The following ACSM6 variants were observed in gnomAD, a reference collection of about 807,000 sequenced individuals.
The protein encoded by ACSM6 is acyl-coenzyme A synthetase ACSM6, mitochondrial.
A neutral mutation model predicts 51.1 loss-of-function variants in ACSM6; 35 were observed. The ratio of observed to expected loss-of-function variants is 0.69; its 90% CI spans 0.52 to 0.91. The LOEUF is 0.91. Among genes scored for constraint, ACSM6 ranks in the 40% least tolerant of loss-of-function variants. ACSM6 has a pLI of 0.00. For missense variants in ACSM6, 509 were observed against 584.1 expected (o/e 0.87, Z 1.32); for synonymous variants, 172 against 207.3 (o/e 0.83, Z 1.46).
rs544907822 is a variant in ACSM6, at chr10:95,199,624, G to A, written c.193-2361G>A. Among the ~76,000 whole-genome samples the A allele has an allele frequency of 2.7e-3, 408 of 152,150 alleles. 3 individuals are homozygous for A. Among genetic ancestry groups the A allele is most frequent in the African/African-American group, 9.2e-3 (383 of 41,506 alleles). ...TCATCTGACAAAGGGCTAATATCCA[G>A]AATCTACAATGAACTCAAACAAATT... is the stretch of plus-strand genomic sequence containing the variant. On this transcript the variant is annotated intron_variant, in intron 2 of 10. Transcript: ENST00000341686.
chr10:95,194,747 A>C (rs1034091135), intron 2 of ACSM6, 70 bp downstream of exon 2: 3 of 1,379,610 alleles, frequency 2.2e-6, no homozygotes, highest in Non-Finnish European at 2.9e-6. Context: ...AAAGATCATG[A>C]GATTCATATC....
chr10:95,215,545 G>A (rs1187245778), intron 8 of ACSM6, among the ~76,000 whole-genome samples: 2 of 152,180 alleles, frequency 1.3e-5, no homozygotes, highest in East Asian at 1.9e-4. Context: ...CAGCAGGCAA[G>A]GGATATAGGG....
In ACSM6 at chr10:95,219,376, AAG is replaced by A. The variant is rs1408152137; in HGVS notation, c.1120-514_1120-513del. On this transcript the variant is annotated intron_variant, in intron 8 of 10. Transcript: ENST00000341686. ...AAATAGCTTTAGTATATTTAAAAAAAAGGCACTAAAAAACAAACATATTCTCC... is the reference window on the plus strand; with the variant it reads ...AAATAGCTTTAGTATATTTAAAAAAAGCACTAAAAAACAAACATATTCTCC... 3.7e-3 allele frequency among the ~76,000 whole-genome samples: 560 copies of A among 152,302 alleles called. 5 individuals are homozygous for A. The highest frequency in any genetic ancestry group is 0.012 in the African/African-American group (514 of 41,542).
At chr10:95,211,923 T>C in exon 6 of ACSM6, 2 of 1,613,596 alleles carry the variant, frequency 1.2e-6, no homozygotes, top group African/African-American at 1.3e-5. Context: ...GGAGTCTGGG[T>C]GATGCCTTTG....
At chr10:95,225,420 C>T (rs754781107) in intron 10 of ACSM6, 29 bp downstream of exon 10, 8 of 1,357,736 alleles carry the variant, frequency 5.9e-6, no homozygotes, top group East Asian at 2.6e-5. Context: ...TTCCTAAATA[C>T]TTTCATTGTT....
intron 3 of ACSM6, among the ~76,000 whole-genome samples, chr10:95,202,650 G>A (rs954314437): frequency 6.6e-6 from 1 of 152,078 alleles, no homozygotes; most frequent in African/African-American, 2.4e-5. Context: ...GGTACTGGGT[G>A]CAGTGGCTCA....
intron 10 of ACSM6, among the ~76,000 whole-genome samples, chr10:95,227,091 A>T (rs991164789): frequency 6.6e-6 from 1 of 151,542 alleles, no homozygotes; most frequent in Non-Finnish European, 1.5e-5. Flanking sequence ...GGTTCAAGCG[A>T]TTCTACTGCC....
At chr10:95,198,870 A>T (rs2034762482) in intron 2 of ACSM6, among the ~76,000 whole-genome samples, 1 of 152,202 alleles carries the variant, frequency 6.6e-6, no homozygotes, top group Non-Finnish European at 1.5e-5. Flanking sequence ...ACTCTATGGA[A>T]GAACATTCCA....
At chr10:95,209,316 G>C (rs1257582775) in intron 4 of ACSM6, among the ~76,000 whole-genome samples, 2 of 152,170 alleles carry the variant, frequency 1.3e-5, no homozygotes, top group African/African-American at 4.8e-5. Context: ...AGTGCGGAGA[G>C]TGGGGAAGAG....
intron 10 of ACSM6, among the ~76,000 whole-genome samples, chr10:95,227,581 C>T (rs1331113381): frequency 6.6e-6 from 1 of 152,220 alleles, no homozygotes; most frequent in Non-Finnish European, 1.5e-5. Context: ...ATCATGTTCT[C>T]ACCCATAAGA....
intron 3 of ACSM6, among the ~76,000 whole-genome samples, chr10:95,203,531 C>T (rs1053026106): frequency 5.3e-5 from 8 of 152,018 alleles, no homozygotes; most frequent in Middle Eastern, 3.2e-3. Context: ...CCTGAATGAG[C>T]TTGGGATCAG....
chr10:95,226,172 G>T (rs115492672), intron 10 of ACSM6: 3 of 152,112 alleles, frequency 2.0e-5, no homozygotes, highest in Admixed American at 1.3e-4. Flanking sequence ...ATAATCTGCC[G>T]TGTAACAATT....
chr10:95,223,226 C>T (rs1044352297), intron 9 of ACSM6, among the ~76,000 whole-genome samples: 2 of 151,346 alleles, frequency 1.3e-5, no homozygotes, highest in Admixed American at 6.6e-5. Flanking sequence ...AATGGCTTTG[C>T]GGTGAATTCT....
exon 3 of ACSM6, chr10:95,202,121 A>G (rs1233708975): frequency 4.5e-6 from 7 of 1,552,166 alleles, no homozygotes; most frequent in African/African-American, 2.7e-5. Flanking sequence ...GCCCTTAGCC[A>G]TGGAGACCGG....
chr10:95,211,574 A>G (rs2133382610), intron 5 of ACSM6, among the ~76,000 whole-genome samples: 1 of 152,368 alleles, frequency 6.6e-6, no homozygotes, highest in Non-Finnish European at 1.5e-5. Context: ...AGCTGAGATC[A>G]CTGACTTAAT....
intron 2 of ACSM6, among the ~76,000 whole-genome samples, chr10:95,197,509 G>A (rs1428451677): frequency 3.3e-5 from 5 of 152,092 alleles, no homozygotes; most frequent in African/African-American, 9.7e-5. Flanking sequence ...TACTATGCCT[G>A]GATGTGCACA....
At chr10:95,226,120 C>G (rs1467478773) in intron 10 of ACSM6, 1 of 152,160 alleles carries the variant, frequency 6.6e-6, no homozygotes, top group East Asian at 1.9e-4. Context: ...AGGTGAGTGC[C>G]ATTTCCATTG....
chr10:95,209,664 TATTTTA>T (rs2034875797), intron 4 of ACSM6, among the ~76,000 whole-genome samples: 1 of 152,132 alleles, frequency 6.6e-6, no homozygotes, highest in African/African-American at 2.4e-5. Flanking sequence ...AGGGAAATAA[TATTTTA>T]ATTTTAAAAT....
chr10:95,209,103 T>A (rs1287593145), intron 4 of ACSM6, among the ~76,000 whole-genome samples: 2 of 151,912 alleles, frequency 1.3e-5, no homozygotes, highest in Non-Finnish European at 2.9e-5. Flanking sequence ...TTAAATAAAT[T>A]GGTCTGATGT....
Sources: gnomAD v4.1 joint callset for allele counts (sites outside exome capture counted in the v4.1 genomes callset) on GRCh38, gnomAD v4.1.1 for gene constraint, MANE v1.5 for transcripts, NCBI Gene and HGNC (gene_info 2026-07-23, HGNC 2026-07-21) for gene names.